The following VRK2 variants were observed in gnomAD, a reference collection of about 807,000 sequenced individuals.
The protein encoded by VRK2 is serine/threonine-protein kinase VRK2.
VRK2 carries 60 observed loss-of-function variants against 57.6 expected under a neutral mutation model. The observed-to-expected ratio is 1.04, with a 90% CI of 0.85 to 1.29. VRK2 has a LOEUF of 1.29. Among genes scored for constraint, VRK2 ranks in the 50% most tolerant of loss-of-function variants. The pLI, the probability that VRK2 is intolerant of heterozygous loss-of-function variation, is 0.00. For missense variants in VRK2, 705 were observed against 588.1 expected, an observed-to-expected ratio of 1.20 and a Z score of -2.06; for synonymous variants, 231 against 199.2, an observed-to-expected ratio of 1.16 and a Z score of -1.35.
intron 1 of VRK2, among the ~76,000 whole-genome samples, chr2:57,987,880 T>C (rs1672647012): frequency 6.6e-6 from 1 of 152,170 alleles, no homozygotes; most frequent in Non-Finnish European, 1.5e-5. Flanking sequence ...TCATGCTGAG[T>C]GTGAGATGCT....
chr2:58,120,121 C>T (rs1297358332), intron 7 of VRK2, among the ~76,000 whole-genome samples: 3 of 150,072 alleles, frequency 2.0e-5, no homozygotes, highest in Admixed American at 6.6e-5. Context: ...CTGAAACAGT[C>T]AGTAAATAGC....
At chr2:58,156,724 T>G (rs960530601) in intron 12 of VRK2, among the ~76,000 whole-genome samples, 2 of 152,190 alleles carry the variant, frequency 1.3e-5, no homozygotes, top group Non-Finnish European at 2.9e-5. Context: ...CTTTGTATGT[T>G]GAGATTCCAC....
At chr2:57,953,165 A>G (rs1370201577) in intron 1 of VRK2, among the ~76,000 whole-genome samples, 2 of 152,204 alleles carry the variant, frequency 1.3e-5, no homozygotes, top group Non-Finnish European at 2.9e-5. Flanking sequence ...ATAGTACTAC[A>G]TATTTACTTT....
chr2:58,076,901 A>G (rs1558602970), intron 2 of VRK2, among the ~76,000 whole-genome samples: 1 of 151,992 alleles, frequency 6.6e-6, no homozygotes, highest in East Asian at 1.9e-4. Flanking sequence ...GAATGTTTCC[A>G]TATTCTCTAC....
chr2:57,941,594 T>A (rs1392316373), intron 1 of VRK2, among the ~76,000 whole-genome samples: 5 of 152,208 alleles, frequency 3.3e-5, no homozygotes. Flanking sequence ...TCTAAATCCA[T>A]CAATAGCTAG....
chr2:58,117,544 G>T (rs1676714978), intron 7 of VRK2, among the ~76,000 whole-genome samples: 1 of 152,114 alleles, frequency 6.6e-6, no homozygotes, highest in Non-Finnish European at 1.5e-5. Flanking sequence ...GGACAGGCGG[G>T]AGGGAAAGAA....
At chr2:57,978,744 T>C (rs1465365498) in intron 1 of VRK2, among the ~76,000 whole-genome samples, 1 of 150,380 alleles carries the variant, frequency 6.6e-6, no homozygotes. Flanking sequence ...TTCATAGGTA[T>C]ACATGTGTCA....
intron 8 of VRK2, 75 bp from the exon 9 acceptor site, chr2:58,131,733 G>C: frequency 6.8e-7 from 1 of 1,478,570 alleles, no homozygotes. Flanking sequence ...ATCAGTAGTA[G>C]TTCAACCAAA....
intron 1 of VRK2, among the ~76,000 whole-genome samples, chr2:57,997,126 G>A (rs1409582845): frequency 6.6e-6 from 1 of 152,048 alleles, no homozygotes; most frequent in African/African-American, 2.4e-5. Context: ...TTGAGTCATT[G>A]ATGGAAAGAA....
chr2:58,042,986 T>G (rs1375510549), upstream of VRK2, among the ~76,000 whole-genome samples: 1 of 152,192 alleles, frequency 6.6e-6, no homozygotes, highest in African/African-American at 2.4e-5. Context: ...CTCTGAATCA[T>G]AAAATTCTGC....
chr2:58,001,164 G>A (rs918936254), intron 1 of VRK2, among the ~76,000 whole-genome samples: 3 of 152,082 alleles, frequency 2.0e-5, no homozygotes, highest in Non-Finnish European at 4.4e-5. Flanking sequence ...AGGATAAACC[G>A]AACTATTTTT....
chr2:58,136,044 G>T (rs1307135893), intron 10 of VRK2, among the ~76,000 whole-genome samples: 1 of 152,128 alleles, frequency 6.6e-6, no homozygotes, highest in Non-Finnish European at 1.5e-5. Flanking sequence ...TCTAGCTAAG[G>T]TCTAATAGCA....
At chr2:58,038,220 G>C (rs1674336192) in intron 3 of VRK2, among the ~76,000 whole-genome samples, 1 of 152,084 alleles carries the variant, frequency 6.6e-6, no homozygotes, top group African/African-American at 2.4e-5. Flanking sequence ...TCTTGTGATA[G>C]TGAGTGAGTT....
chr2:58,155,894 G>A (rs1245278554), intron 12 of VRK2, among the ~76,000 whole-genome samples: 2 of 150,696 alleles, frequency 1.3e-5, no homozygotes, highest in African/African-American at 4.9e-5. Flanking sequence ...AGGGCTATTG[G>A]TTACATAGAG....
chr2:57,916,719 C>A (rs2717004), intron 1 of VRK2, among the ~76,000 whole-genome samples: 98,923 of 152,000 alleles, frequency 0.65, 32,579 homozygotes, highest in African/African-American at 0.77. Context: ...ATAAATAAGA[C>A]AGCTTAGACC....
chr2:58,015,686 T>C (rs1673559174), intron 1 of VRK2, among the ~76,000 whole-genome samples: 1 of 152,224 alleles, frequency 6.6e-6, no homozygotes, highest in African/African-American at 2.4e-5. Context: ...ATGTTTCAGT[T>C]ATTTTATTAA....
At position 58,131,921 on chromosome 2, in the gene VRK2, AAAAC is replaced by A. The variant is rs1679256069; in HGVS notation, c.794_797del (p.Thr265IlefsTer23). ...GGACCCTGTGGCTGTGCAGACTGCT[AAAAC>A]AAAGTACAAATTTTCAAGTATTTCA... On this transcript the variant is annotated frameshift_variant, in exon 9 of 13. Coordinates refer to ENST00000340157, the MANE Select transcript of VRK2 (RefSeq NM_006296.7). LOFTEE classifies it high-confidence loss of function. 1 of 1,614,014 alleles carries A rather than the reference AAAAC, an allele frequency of 6.2e-7. No individual in the cohort carries two copies. Among genetic ancestry groups the A allele is most frequent in the Non-Finnish European group, 8.5e-7 (1 of 1,179,990 alleles).
intron 2 of VRK2, among the ~76,000 whole-genome samples, chr2:58,031,839 GA>G (rs146408033): frequency 2.0e-5 from 3 of 151,634 alleles, no homozygotes; most frequent in East Asian, 1.9e-4. Flanking sequence ...TCATACAAAC[GA>G]AAAAAATGGA....
intron 10 of VRK2, among the ~76,000 whole-genome samples, chr2:58,137,550 T>C (rs2104594286): frequency 6.6e-6 from 1 of 152,196 alleles, no homozygotes. Flanking sequence ...GTTGAAACTT[T>C]AATATTACAT....
Sources: gnomAD v4.1 joint callset for allele counts (sites outside exome capture counted in the v4.1 genomes callset) on GRCh38, gnomAD v4.1.1 for gene constraint, MANE v1.5 for transcripts, NCBI Gene and HGNC (gene_info 2026-07-23, HGNC 2026-07-21) for gene names.